RBFOX1: variants seen among roughly 807,000 people sequenced by gnomAD.
RBFOX1 encodes RNA binding protein fox-1 homolog 1.
A neutral mutation model predicts 57.7 loss-of-function variants in RBFOX1; 8 were observed. That is an observed-to-expected ratio of 0.14 (90% CI 0.08 to 0.25). The LOEUF (loss-of-function observed/expected upper bound fraction) is 0.25, where lower values mean the gene tolerates loss of function less well. Among genes scored for constraint, RBFOX1 ranks in the 10% least tolerant of loss-of-function variants. The pLI, the probability that RBFOX1 is intolerant of heterozygous loss-of-function variation, is 1.00. For missense variants in RBFOX1, 611 were observed against 548.5 expected, an observed-to-expected ratio of 1.11 and a Z score of -1.14; for synonymous variants, 326 against 222.4, an observed-to-expected ratio of 1.47 and a Z score of -4.15.
At chr16:7,198,614 C>G (rs7187696) in intron 4 of RBFOX1, among the ~76,000 whole-genome samples, 14,962 of 152,180 alleles carry the variant, frequency 0.098, 800 homozygotes, top group Non-Finnish European at 0.11. Flanking sequence ...CACTGCATAT[C>G]ACATGGGCTT....
intron 2 of RBFOX1, among the ~76,000 whole-genome samples, chr16:6,416,375 A>C (rs1286567553): frequency 1.3e-5 from 2 of 152,198 alleles, no homozygotes; most frequent in African/African-American, 4.8e-5. Flanking sequence ...TTTTGAAGCC[A>C]GTCGCTTCTC....
At chr16:6,647,408 C>G (rs1228777527) in intron 2 of RBFOX1, among the ~76,000 whole-genome samples, 1 of 152,120 alleles carries the variant, frequency 6.6e-6, no homozygotes, top group Non-Finnish European at 1.5e-5. Flanking sequence ...CCATGCCTGG[C>G]TAATTTTTCT....
At chr16:7,272,444 A>G (rs1483995715) in intron 4 of RBFOX1, among the ~76,000 whole-genome samples, 3 of 152,214 alleles carry the variant, frequency 2.0e-5, no homozygotes, top group Non-Finnish European at 2.9e-5. Context: ...TCAGTATCCC[A>G]AAAGGCTGGA....
intron 4 of RBFOX1, among the ~76,000 whole-genome samples, chr16:7,392,586 G>A (rs997316095): frequency 2.0e-5 from 3 of 152,146 alleles, no homozygotes; most frequent in Non-Finnish European, 2.9e-5. Context: ...GGTTTGTGAT[G>A]GCCCCTCCTT....
chr16:7,003,904 G>C (rs1227391925), intron 3 of RBFOX1: 1 of 151,726 alleles, frequency 6.6e-6, no homozygotes, highest in Admixed American at 6.6e-5. Flanking sequence ...GTGGGTCAAT[G>C]AAATGGTCAT....
In RBFOX1 at chr16:7,676,802, A is replaced by C; in HGVS notation, c.959A>C (p.Gln320Pro). The change falls in exon 14 of 16, where the codon CAG becomes CCG. Residue 320 changes from glutamine to proline, a missense_variant. Coordinates refer to ENST00000550418, the MANE Select transcript of RBFOX1 (RefSeq NM_018723.4). ...YGGYAAYRYA[Q>P]PTPATAAAYS... is the part of the protein sequence containing the mutation. The stretch of plus-strand genomic sequence containing the variant: ...GGTTATGCTGCATACCGCTACGCCC[A>C]GCCTACCCCTGCCACTGCCGCTGCC... 6.2e-7 allele frequency: 1 copy of C among 1,613,326 alleles called. No homozygotes were observed. Among genetic ancestry groups the C allele is most frequent in the Non-Finnish European group, 8.5e-7 (1 of 1,179,484 alleles).
chr16:7,565,166 T>A (rs930436043), intron 5 of RBFOX1, among the ~76,000 whole-genome samples: 1 of 152,110 alleles, frequency 6.6e-6, no homozygotes. Flanking sequence ...TATTATTACT[T>A]TTAATGGAAA....
chr16:7,438,485 T>C (rs2098740123), intron 4 of RBFOX1, among the ~76,000 whole-genome samples: 2 of 152,118 alleles, frequency 1.3e-5, no homozygotes, highest in Non-Finnish European at 2.9e-5. Flanking sequence ...ATAACTGCTC[T>C]GGGGATCAGA....
At chr16:5,661,121 G>T (rs116820734) in intron 3 of RBFOX1, among the ~76,000 whole-genome samples, 2 of 152,126 alleles carry the variant, frequency 1.3e-5, no homozygotes, top group South Asian at 2.1e-4. Flanking sequence ...AACTTAAAAG[G>T]CCTCCTGTCT....
At chr16:6,196,579 T>A (rs7185154) in intron 1 of RBFOX1, among the ~76,000 whole-genome samples, 3,265 of 152,246 alleles carry the variant, frequency 0.021, 123 homozygotes, top group African/African-American at 0.075. Flanking sequence ...AAATGTGAAT[T>A]ATTGCCTAAC....
intron 4 of RBFOX1, among the ~76,000 whole-genome samples, chr16:7,164,606 T>C (rs1433249410): frequency 1.3e-5 from 2 of 152,202 alleles, no homozygotes; most frequent in Non-Finnish European, 2.9e-5. Context: ...AAAACCACTT[T>C]TAATAACGTG....
chr16:5,692,662 C>T (rs1300727091), intron 3 of RBFOX1, among the ~76,000 whole-genome samples: 1 of 151,948 alleles, frequency 6.6e-6, no homozygotes, highest in Non-Finnish European at 1.5e-5. Flanking sequence ...TACGTAGGGA[C>T]CAGAATCCCT....
chr16:5,475,124 A>G (rs1597216333), intron 2 of RBFOX1, among the ~76,000 whole-genome samples: 1 of 152,224 alleles, frequency 6.6e-6, no homozygotes. Flanking sequence ...TGAGAATCCT[A>G]GTCTTTTAAT....
chr16:6,621,566 C>T (rs1216486014), intron 2 of RBFOX1, among the ~76,000 whole-genome samples: 1 of 152,188 alleles, frequency 6.6e-6, no homozygotes, highest in African/African-American at 2.4e-5. Context: ...CGGCAAAGCC[C>T]CTTTTTTCCA....
intron 2 of RBFOX1, among the ~76,000 whole-genome samples, chr16:5,588,983 T>A (rs2046921695): frequency 6.6e-6 from 1 of 152,210 alleles, no homozygotes; most frequent in African/African-American, 2.4e-5. Context: ...CTAGATGTCA[T>A]GGCCTCATAG....
intron 3 of RBFOX1, among the ~76,000 whole-genome samples, chr16:6,767,542 A>G (rs921152200): frequency 3.3e-5 from 5 of 152,140 alleles, no homozygotes; most frequent in Admixed American, 6.5e-5. Flanking sequence ...CCCCAAAAAA[A>G]TTCTGATGAA....
chr16:6,689,814 C>A (rs1177253312), intron 3 of RBFOX1, among the ~76,000 whole-genome samples: 2 of 152,204 alleles, frequency 1.3e-5, no homozygotes, highest in Non-Finnish European at 2.9e-5. Context: ...AATGCACAGA[C>A]TTCTTGAGCG....
At chr16:5,572,863 G>A (rs559830655) in intron 2 of RBFOX1, among the ~76,000 whole-genome samples, 39 of 152,168 alleles carry the variant, frequency 2.6e-4, no homozygotes, top group Non-Finnish European at 5.3e-4. Flanking sequence ...CAAAGGCAAA[G>A]GTACTCAGGG....
chr16:6,897,706 T>C (rs534663881), intron 3 of RBFOX1, among the ~76,000 whole-genome samples: 18 of 152,194 alleles, frequency 1.2e-4, no homozygotes, highest in Non-Finnish European at 1.6e-4. Context: ...GGCAGGACAG[T>C]TGCTTGAACC....
Sources: gnomAD v4.1 joint callset for allele counts (sites outside exome capture counted in the v4.1 genomes callset) on GRCh38, gnomAD v4.1.1 for gene constraint, MANE v1.5 for transcripts, NCBI Gene and HGNC (gene_info 2026-07-23, HGNC 2026-07-21) for gene names.